CFAP299: variants seen among roughly 807,000 people sequenced by gnomAD.
CFAP299 encodes cilia- and flagella-associated protein 299.
CFAP299 carries 21 observed loss-of-function variants against 27.0 expected under a neutral mutation model. That is an observed-to-expected ratio of 0.78 (90% CI 0.55 to 1.12). The LOEUF is 1.12. CFAP299 is among the 50% of genes most tolerant of loss of function. CFAP299 has a pLI of 0.00. For synonymous variants in CFAP299, 104 were observed against 98.1 expected, an observed-to-expected ratio of 1.06 and a Z score of -0.36; for missense variants, 310 against 276.6, an observed-to-expected ratio of 1.12 and a Z score of -0.86.
intron 3 of CFAP299, among the ~76,000 whole-genome samples, chr4:80,715,462 G>A (rs1332117842): frequency 1.3e-5 from 2 of 151,894 alleles, no homozygotes; most frequent in Non-Finnish European, 2.9e-5. Context: ...TTTTGTGATG[G>A]CAGACATTTT....
Position 80,800,765 on chromosome 4 carries a change from G to GCATATATA in CFAP299, c.334-69228_334-69227insCATATATA, listed in dbSNP as rs1207124179. Among the ~76,000 whole-genome samples the GCATATATA allele has an allele frequency of 2.1e-3, 263 of 127,408 alleles. 1 individual carries two copies. Among genetic ancestry groups the GCATATATA allele is most frequent in the Middle Eastern group, 3.9e-3 (1 of 254 alleles). 83.6% of individuals were successfully genotyped at this position (127,408 alleles called of 152,430 possible). A position where few individuals can be genotyped will look rare whatever the true frequency, so the allele number is the denominator to read the frequency against. Reference sequence around the variant, plus strand: ...ATAATCAGTGTGTGTGTGTGTGTGTGTGTATATATATATATGTATACATAT... The same window carrying GCATATATA: ...ATAATCAGTGTGTGTGTGTGTGTGTGCATATATATGTATATATATATATGTATACATAT... On this transcript the variant is annotated intron_variant, in intron 3 of 5. Transcript: ENST00000358105.
chr4:80,534,482 G>A (rs183635392), intron 2 of CFAP299, among the ~76,000 whole-genome samples: 1 of 151,828 alleles, frequency 6.6e-6, no homozygotes, highest in Non-Finnish European at 1.5e-5. Context: ...AATTAATCTT[G>A]ATAATTGGAA....
chr4:80,661,581 T>C (rs1740849716), intron 3 of CFAP299, among the ~76,000 whole-genome samples: 1 of 152,224 alleles, frequency 6.6e-6, no homozygotes, highest in African/African-American at 2.4e-5. Context: ...CGTTAATCTC[T>C]TAATCTCATC....
At chr4:80,781,483 A>T (rs1050925520) in intron 3 of CFAP299, among the ~76,000 whole-genome samples, 4 of 152,118 alleles carry the variant, frequency 2.6e-5, no homozygotes, top group African/African-American at 9.7e-5. Context: ...AATGGGTTTC[A>T]TAAAAAGCAG....
At chr4:80,771,958 A>G (rs781274511) in intron 3 of CFAP299, among the ~76,000 whole-genome samples, 3 of 152,168 alleles carry the variant, frequency 2.0e-5, no homozygotes, top group Non-Finnish European at 4.4e-5. Context: ...TTATTGTTAT[A>G]GCGAAAAGGA....
At chr4:80,725,729 G>T (rs1381462932) in intron 3 of CFAP299, among the ~76,000 whole-genome samples, 1 of 152,202 alleles carries the variant, frequency 6.6e-6, no homozygotes, top group Non-Finnish European at 1.5e-5. Context: ...TTCTAATTCA[G>T]ACCTTCCGTA....
At chr4:80,596,109 A>T (rs1737045809) in intron 3 of CFAP299, among the ~76,000 whole-genome samples, 1 of 152,006 alleles carries the variant, frequency 6.6e-6, no homozygotes, top group Non-Finnish European at 1.5e-5. Flanking sequence ...GAGAGGAAGG[A>T]AGGGAAGGAG....
chr4:80,884,808 C>T (rs1342905004), intron 4 of CFAP299, among the ~76,000 whole-genome samples: 1 of 152,094 alleles, frequency 6.6e-6, no homozygotes, highest in Admixed American at 6.5e-5. Flanking sequence ...TCATTCATCA[C>T]CCCCATTCAC....
intron 2 of CFAP299, among the ~76,000 whole-genome samples, chr4:80,404,939 G>A (rs926133053): frequency 7.9e-5 from 12 of 152,044 alleles, no homozygotes; most frequent in African/African-American, 2.4e-4. Flanking sequence ...CCAAGTCAAC[G>A]CTTCTTATTT....
At chr4:80,532,885 C>A (rs1733546471) in intron 2 of CFAP299, among the ~76,000 whole-genome samples, 1 of 152,198 alleles carries the variant, frequency 6.6e-6, no homozygotes, top group South Asian at 2.1e-4. Flanking sequence ...CAAGAAGGTA[C>A]AAAGGACCTC....
chr4:80,394,407 T>G (rs1245899408), intron 2 of CFAP299, among the ~76,000 whole-genome samples: 1 of 139,608 alleles, frequency 7.2e-6, no homozygotes, highest in East Asian at 2.0e-4. Flanking sequence ...TGTACACAGT[T>G]TTTTTTTTTT....
chr4:80,614,488 G>T (rs556131203), intron 3 of CFAP299, among the ~76,000 whole-genome samples: 2 of 152,264 alleles, frequency 1.3e-5, no homozygotes, highest in South Asian at 4.1e-4. Context: ...AAGATGGCTC[G>T]GATTTGATTT....
intron 2 of CFAP299, among the ~76,000 whole-genome samples, chr4:80,547,383 T>G (rs116340555): frequency 6.6e-6 from 1 of 152,084 alleles, no homozygotes; most frequent in African/African-American, 2.4e-5. Context: ...CAACTCAAGA[T>G]GAATTAAAAA....
At chr4:80,728,008 C>T (rs1318071603) in intron 3 of CFAP299, among the ~76,000 whole-genome samples, 2 of 151,926 alleles carry the variant, frequency 1.3e-5, no homozygotes, top group East Asian at 1.9e-4. Flanking sequence ...CTCATTTCAA[C>T]TATGCATTAA....
chr4:80,396,651 C>T (rs1274367483), intron 2 of CFAP299, among the ~76,000 whole-genome samples: 1 of 151,978 alleles, frequency 6.6e-6, no homozygotes, highest in Non-Finnish European at 1.5e-5. Context: ...TGGTTTTTGT[C>T]TTTGGTTCTG....
chr4:80,579,954 G>T (rs1560635662), intron 2 of CFAP299, among the ~76,000 whole-genome samples: 2 of 152,038 alleles, frequency 1.3e-5, no homozygotes, highest in Non-Finnish European at 2.9e-5. Flanking sequence ...AGCAAAATAA[G>T]CTATGCTTGG....
chr4:80,774,685 A>G (rs940356632), intron 3 of CFAP299, among the ~76,000 whole-genome samples: 9 of 152,162 alleles, frequency 5.9e-5, no homozygotes, highest in African/African-American at 2.2e-4. Flanking sequence ...ACCATTTAAT[A>G]TACACTGTTG....
At chr4:80,763,802 C>G (rs146386527) in intron 3 of CFAP299, among the ~76,000 whole-genome samples, 2 of 152,096 alleles carry the variant, frequency 1.3e-5, no homozygotes, top group South Asian at 4.1e-4. Flanking sequence ...AATAACAACA[C>G]GCATCTACAA....
intron 4 of CFAP299, among the ~76,000 whole-genome samples, chr4:80,915,381 A>G (rs1166070593): frequency 6.6e-6 from 1 of 151,722 alleles, no homozygotes; most frequent in Non-Finnish European, 1.5e-5. Flanking sequence ...CTGCATGTGA[A>G]TGTCCTTTTC....
Sources: gnomAD v4.1 joint callset for allele counts (sites outside exome capture counted in the v4.1 genomes callset) on GRCh38, gnomAD v4.1.1 for gene constraint, MANE v1.5 for transcripts, NCBI Gene and HGNC (gene_info 2026-07-23, HGNC 2026-07-21) for gene names.